EYS: variants seen among roughly 807,000 people sequenced by gnomAD.
EYS encodes the protein protein eyes shut homolog.
In EYS, 250 loss-of-function variants were observed where a neutral mutation model predicts 282.1. The ratio of observed to expected loss-of-function variants is 0.89; its 90% CI spans 0.80 to 0.98. The LOEUF (loss-of-function observed/expected upper bound fraction) is 0.98. Among genes scored for constraint, EYS ranks in the 50% least tolerant of loss-of-function variants. The probability of loss-of-function intolerance (pLI) is 0.00; values close to 1 mark genes in which losing one functional copy is unlikely to be tolerated. For missense variants in EYS, 4,016 were observed against 3,709.0 expected, an observed-to-expected ratio of 1.08 and a Z score of -2.15; for synonymous variants, 1,355 against 1,282.9, an observed-to-expected ratio of 1.06 and a Z score of -1.20.
intron 33 of EYS, among the ~76,000 whole-genome samples, chr6:64,031,469 G>A (rs1051560258): frequency 2.0e-5 from 3 of 152,236 alleles, no homozygotes; most frequent in African/African-American, 7.2e-5. Context: ...CTGCTTCATG[G>A]CACGCAGTCC....
chr6:63,764,490 C>A (rs1458935343), intron 40 of EYS, among the ~76,000 whole-genome samples: 3 of 151,758 alleles, frequency 2.0e-5, no homozygotes, highest in Non-Finnish European at 4.4e-5. Context: ...AATTTTTAAA[C>A]GTGATGCTGT....
chr6:65,223,299 G>A (rs543706289), intron 12 of EYS, among the ~76,000 whole-genome samples: 10 of 152,138 alleles, frequency 6.6e-5, no homozygotes, highest in Admixed American at 1.3e-4. Flanking sequence ...CCCAGGTGGC[G>A]GAGTTTGCAG....
intron 31 of EYS, among the ~76,000 whole-genome samples, chr6:64,138,535 G>C (rs146944999): frequency 1.7e-3 from 266 of 152,276 alleles, no homozygotes; most frequent in African/African-American, 6.1e-3. Flanking sequence ...GTGGGGTGAG[G>C]AGAGTCAAGA....
intron 15 of EYS, among the ~76,000 whole-genome samples, chr6:64,937,429 C>A (rs914192387): frequency 6.6e-5 from 10 of 151,510 alleles, no homozygotes; most frequent in African/African-American, 2.4e-4. Flanking sequence ...TATAAAATTT[C>A]TTACAACTAA....
In EYS at chr6:63,720,962, G is replaced by T; in HGVS notation, c.9069C>A (p.Asn3023Lys). The T allele has an allele frequency of 6.4e-7, 1 of 1,551,320 alleles. No individual in the cohort carries two copies. Among genetic ancestry groups the T allele is most frequent in the Non-Finnish European group, 8.7e-7 (1 of 1,146,782 alleles). Residue 3023 changes from asparagine (N) to lysine (K), a missense_variant, in exon 43 of 43, where the codon AAC becomes AAA. By Grantham distance (94) the Asn-to-Lys change is moderately conservative. Coordinates refer to ENST00000503581, the MANE Select transcript of EYS (RefSeq NM_001142800.2). ...TAGGCACAGAGATTCTTTCTCCCAA[G>T]TTAACTGCTATTTTCAAGGTCTGAT... is the stretch of plus-strand genomic sequence containing the variant. Reference protein sequence around the residue: ...LHNQTLKIAVNLGERISVPMS... With the variant: ...LHNQTLKIAVKLGERISVPMS...
intron 31 of EYS, among the ~76,000 whole-genome samples, chr6:64,220,087 C>T (rs988867646): frequency 6.6e-5 from 10 of 152,068 alleles, no homozygotes; most frequent in Non-Finnish European, 1.5e-4. Context: ...TGTTAAATGA[C>T]AAATTGGTGG....
chr6:64,592,847 G>A (rs1562081156), intron 25 of EYS, among the ~76,000 whole-genome samples: 1 of 152,022 alleles, frequency 6.6e-6, no homozygotes, highest in Admixed American at 6.6e-5. Flanking sequence ...AAATGTGCTG[G>A]GATTGAGGTC....
chr6:63,980,268 G>T lies in EYS; in HGVS notation c.7055+4115C>A, dbSNP rs192869676. On this transcript the variant is annotated intron_variant, in intron 35 of 42. Coordinates refer to ENST00000503581, the MANE Select transcript of EYS (RefSeq NM_001142800.2). Reference sequence around the variant, plus strand: ...GGTACAGATTAGAATGCTCAAGAGTGTGTGTGTGTGTGTGTTGAAAAATCT... The same window carrying T: ...GGTACAGATTAGAATGCTCAAGAGTTTGTGTGTGTGTGTGTTGAAAAATCT... Among the ~76,000 whole-genome samples, 745 of 151,202 alleles carry T rather than the reference G, an allele frequency of 4.9e-3. 4 individuals are homozygous for T. The highest frequency in any genetic ancestry group is 0.017 in the African/African-American group (703 of 41,312).
rs1045954812 is a variant in EYS, at chr6:64,236,260, A to T, written c.6192-5436T>A. On this transcript the variant is annotated intron_variant, in intron 30 of 42. Transcript: ENST00000503581. ...AGGGCTGGGATTACGGGCGTGAGCA[A>T]CCGTACCTGGCCCCTTTATTCATTT... is the stretch of plus-strand genomic sequence containing the variant. 2.6e-5 allele frequency among the ~76,000 whole-genome samples: 4 copies of T among 152,146 alleles called. No individual in the cohort carries two copies. In the South Asian group the frequency reaches 6.2e-4, roughly 24 times the overall value.
chr6:65,318,536 T>TTA (rs1181438429), intron 11 of EYS, among the ~76,000 whole-genome samples: 5 of 146,788 alleles, frequency 3.4e-5, no homozygotes, highest in East Asian at 3.9e-4. Flanking sequence ...TATACATATT[T>TTA]TATATATATA....
At chr6:64,677,469 G>A (rs774862697) in intron 22 of EYS, among the ~76,000 whole-genome samples, 8 of 152,022 alleles carry the variant, frequency 5.3e-5, no homozygotes, top group East Asian at 3.9e-4. Context: ...AGCCACTTTC[G>A]GTAAGCATCT....
At chr6:64,595,301 G>T (rs905268327) in intron 24 of EYS, among the ~76,000 whole-genome samples, 1 of 151,972 alleles carries the variant, frequency 6.6e-6, no homozygotes, top group Non-Finnish European at 1.5e-5. Context: ...CATAATGAAG[G>T]TCATAAATGA....
At chr6:64,222,703 TCTC>T (rs1384012092) in intron 31 of EYS, among the ~76,000 whole-genome samples, 1 of 152,034 alleles carries the variant, frequency 6.6e-6, no homozygotes, top group Non-Finnish European at 1.5e-5. Flanking sequence ...GAAAATGTGT[TCTC>T]CTATGGAAAA....
chr6:64,461,616 AG>A (rs1477604720), intron 26 of EYS, among the ~76,000 whole-genome samples: 1 of 152,204 alleles, frequency 6.6e-6, no homozygotes, highest in Non-Finnish European at 1.5e-5. Context: ...TTTATACTCC[AG>A]TGACTGTGGA....
chr6:65,365,138 T>A (rs1394961095), intron 8 of EYS, among the ~76,000 whole-genome samples: 1 of 151,748 alleles, frequency 6.6e-6, no homozygotes, highest in Non-Finnish European at 1.5e-5. Flanking sequence ...CAACAAAGAA[T>A]GAATAAATTC....
At chr6:64,338,431 A>G (rs1454223213) in intron 29 of EYS, among the ~76,000 whole-genome samples, 1 of 152,006 alleles carries the variant, frequency 6.6e-6, no homozygotes, top group African/African-American at 2.4e-5. Context: ...CAAGGAGGTG[A>G]AAAACCTCCT....
At chr6:64,099,128 A>G (rs1159685705) in intron 31 of EYS, among the ~76,000 whole-genome samples, 1 of 152,190 alleles carries the variant, frequency 6.6e-6, no homozygotes, top group Admixed American at 6.5e-5. Context: ...CACTAAAATT[A>G]TCATTGAATT....
In EYS at chr6:65,170,335, A is replaced by G. The variant is rs868243240; in HGVS notation, c.2024-112608T>C. On this transcript the variant is annotated intron_variant, in intron 12 of 42. Transcript: ENST00000503581. ...ACATGGAGTTTTTTGTCATATAGAA[A>G]AAAGAGGTTGATTTTAAAATGAACT... Among the ~76,000 whole-genome samples the G allele has an allele frequency of 7.9e-5, 12 of 151,572 alleles. No individual in the cohort carries two copies. The East Asian group carries it at 2.0e-3, about 25-fold the overall frequency.
In EYS at chr6:64,295,546, AAGAAGAAGAAAGAAGAAGAAAAG is replaced by A. The variant is rs1561912681; in HGVS notation, c.6191+11401_6191+11423del. Among the ~76,000 whole-genome samples, 8 of 16,746 alleles carry A rather than the reference AAGAAGAAGAAAGAAGAAGAAAAG, an allele frequency of 4.8e-4. 3 individuals are homozygous for A. The highest frequency in any genetic ancestry group is 2.6e-3 in the African/African-American group (8 of 3,038). The allele number at this position is 16,746 out of a possible 152,430, so 11.0% of individuals were successfully genotyped here. On this transcript the variant is annotated intron_variant, in intron 30 of 42. Coordinates refer to ENST00000503581, the MANE Select transcript of EYS (RefSeq NM_001142800.2). ...GAAGAAAGAAGAAGAAAGAAGAAGA[AAGAAGAAGAAAGAAGAAGAAAAG>A]AAGAAGAAAATTAGCCGGGTGCAGT...
Sources: allele counts gnomAD v4.1 joint callset (sites outside exome capture counted in the v4.1 genomes callset), GRCh38; gene constraint gnomAD v4.1.1; transcripts MANE v1.5; gene names NCBI Gene and HGNC (gene_info 2026-07-23, HGNC 2026-07-21).